The following BAZ2B variants were observed in gnomAD, a reference collection of about 807,000 sequenced individuals.
BAZ2B encodes bromodomain adjacent to zinc finger domain 2B, also known as bromodomain adjacent to zinc finger domain protein 2B.
A neutral mutation model predicts 246.0 loss-of-function variants in BAZ2B; 91 were observed. The ratio of observed to expected loss-of-function variants is 0.37; its 90% CI spans 0.31 to 0.44. The LOEUF is 0.44. BAZ2B is among the 20% of genes least tolerant of loss of function. The probability of loss-of-function intolerance (pLI) is 1.00; values close to 1 mark genes in which losing one functional copy is unlikely to be tolerated. For missense variants in BAZ2B, 2,332 were observed against 2,533.7 expected, an observed-to-expected ratio of 0.92 and a Z score of 1.71; for synonymous variants, 855 against 860.0, an observed-to-expected ratio of 0.99 and a Z score of 0.10.
chr2:159,510,399 A>C (rs1173709896), intron 2 of BAZ2B, among the ~76,000 whole-genome samples: 2 of 152,100 alleles, frequency 1.3e-5, no homozygotes, highest in Non-Finnish European at 2.9e-5. Flanking sequence ...CCTGGTCTCA[A>C]GTGATCCTTG....
intron 1 of BAZ2B, among the ~76,000 whole-genome samples, chr2:159,561,011 T>C (rs865788883): frequency 2.0e-5 from 3 of 152,322 alleles, no homozygotes; most frequent in South Asian, 4.1e-4. Flanking sequence ...TATCCAGTGT[T>C]GTGCAACAGA....
At chr2:159,390,986 G>A (rs1331706609) in intron 20 of BAZ2B, among the ~76,000 whole-genome samples, 1 of 152,066 alleles carries the variant, frequency 6.6e-6, no homozygotes, top group African/African-American at 2.4e-5. Flanking sequence ...TTAGTTAATA[G>A]CCTGAAGTAC....
At chr2:159,459,020 C>A (rs1000208581) in intron 3 of BAZ2B, 1 of 152,104 alleles carries the variant, frequency 6.6e-6, no homozygotes, top group African/African-American at 2.4e-5. Flanking sequence ...TTGAGAACCT[C>A]CAAAGCCTAT....
intron 2 of BAZ2B, among the ~76,000 whole-genome samples, chr2:159,480,968 T>C (rs1044658358): frequency 3.9e-5 from 6 of 152,104 alleles, no homozygotes; most frequent in Non-Finnish European, 8.8e-5. Flanking sequence ...AATTCTCTCA[T>C]ACTGGTCTTA....
chr2:159,566,372 T>C (rs1682595717), intron 1 of BAZ2B, among the ~76,000 whole-genome samples: 1 of 152,202 alleles, frequency 6.6e-6, no homozygotes, highest in Non-Finnish European at 1.5e-5. Flanking sequence ...TGCAGTTGCA[T>C]AGTGTAAAAA....
chr2:159,474,686 G>A (rs548595264), intron 3 of BAZ2B, among the ~76,000 whole-genome samples: 29 of 152,260 alleles, frequency 1.9e-4, no homozygotes, highest in African/African-American at 6.3e-4. Flanking sequence ...TTTTTGCAGT[G>A]GCTGGTACTG....
chr2:159,692,588 C>T, the BAZ2B span, among the ~76,000 whole-genome samples: 6 of 152,194 alleles, frequency 3.9e-5, no homozygotes, highest in South Asian at 2.1e-4. Flanking sequence ...TGGTGGCACA[C>T]GCCTGTAATC....
Position 159,397,383 on chromosome 2 carries a change from CT to C in BAZ2B, c.2970del (p.Glu991LysfsTer2), listed in dbSNP as rs1559255921. Reference sequence around the variant, plus strand: ...AGAACAGCTTGTTGTCTTCTCATTTCTTTTTCCTTAAAAATAAGAAACTTTT... The same window carrying C: ...AGAACAGCTTGTTGTCTTCTCATTTCTTTTCCTTAAAAATAAGAAACTTTT... Reference protein sequence around the residue: ...LLEAEKRIKEKEMRRQQAVLL... With the variant: ...LLEAEKRIKEXEMRRQQAVLL... On this transcript the variant is annotated frameshift_variant, in exon 19 of 37. Transcript: ENST00000392783. LOFTEE classifies it high-confidence loss of function. 1.3e-6 allele frequency: 2 copies of C among 1,546,176 alleles called. No individual in the cohort carries two copies. The highest frequency in any genetic ancestry group is 1.8e-6 in the Non-Finnish European group (2 of 1,132,986).
chr2:159,692,844 A>G, the BAZ2B span, among the ~76,000 whole-genome samples: 1 of 152,344 alleles, frequency 6.6e-6, no homozygotes, highest in East Asian at 1.9e-4. Context: ...GCTGTAGCAC[A>G]ATGGTACCAC....
chr2:159,664,853 T>C, the BAZ2B span, among the ~76,000 whole-genome samples: 1 of 145,166 alleles, frequency 6.9e-6, no homozygotes, highest in African/African-American at 2.6e-5. Context: ...TGGTAGTTTC[T>C]TTTGCTGTGC....
the BAZ2B span, among the ~76,000 whole-genome samples, chr2:159,650,758 C>A: frequency 6.6e-6 from 1 of 152,202 alleles, no homozygotes; most frequent in African/African-American, 2.4e-5. Context: ...CTCCTCAAGT[C>A]ATGAGTCTTT....
chr2:159,446,838 G>C lies in BAZ2B; in HGVS notation c.640C>G (p.Gln214Glu), dbSNP rs1028284225. The C allele has an allele frequency of 1.2e-5, 20 of 1,612,662 alleles. No homozygotes were observed. Among genetic ancestry groups the C allele is most frequent in the Non-Finnish European group, 1.5e-5 (18 of 1,179,488 alleles). Residue 214 changes from glutamine (Q) to glutamate (E), a missense_variant, in exon 6 of 37, where the codon CAG becomes GAG. Coordinates refer to ENST00000392783, the MANE Select transcript of BAZ2B (RefSeq NM_013450.4). Reference sequence around the variant, plus strand: ...AAAGGCTGGTTTTTGCTTTGTTCCTGATTACATTTTCGATTTCCTCCACCT... The same window carrying C: ...AAAGGCTGGTTTTTGCTTTGTTCCTCATTACATTTTCGATTTCCTCCACCT... ...SSGGGNRKCNQEQSKNQPLDA... is the reference protein window; with the variant it reads ...SSGGGNRKCNEEQSKNQPLDA...
chr2:159,698,302 G>A, the BAZ2B span, among the ~76,000 whole-genome samples: 1 of 151,876 alleles, frequency 6.6e-6, no homozygotes, highest in African/African-American at 2.4e-5. Flanking sequence ...TGGGAGGATT[G>A]CTTGAGTCCA....
At chr2:159,315,390 T>C (rs965961158), downstream of BAZ2B, among the ~76,000 whole-genome samples, 2 of 152,200 alleles carry the variant, frequency 1.3e-5, no homozygotes, top group Non-Finnish European at 2.9e-5. Context: ...AGCTGGATAG[T>C]TCTGGCTCAG....
chr2:159,478,861 T>G lies in BAZ2B; in HGVS notation c.-2-140A>C, dbSNP rs200252486. The G allele has an allele frequency of 1.6e-5, 9 of 572,056 alleles. No individual in the cohort carries two copies. In the East Asian group the frequency reaches 3.3e-4, roughly 21 times the overall value. 35.4% of individuals were successfully genotyped at this position (572,056 alleles called of 1,614,324 possible). A position where few individuals can be genotyped will look rare whatever the true frequency, so the allele number is the denominator to read the frequency against. Reference sequence around the variant, plus strand: ...TTCTTTGGAAAGAGAAAATATGGAGTAGATAAAAACAATATAATTTAAAAT... The same window carrying G: ...TTCTTTGGAAAGAGAAAATATGGAGGAGATAAAAACAATATAATTTAAAAT... On this transcript the variant is annotated intron_variant, in intron 2 of 36. Coordinates refer to ENST00000392783, the MANE Select transcript of BAZ2B (RefSeq NM_013450.4).
intron 3 of BAZ2B, among the ~76,000 whole-genome samples, chr2:159,468,645 T>C (rs1220123227): frequency 6.6e-6 from 1 of 152,116 alleles, no homozygotes; most frequent in Admixed American, 6.5e-5. Flanking sequence ...ACATAAAACT[T>C]ATGTGCCGCA....
At chr2:159,533,759 T>C (rs755941310) in intron 2 of BAZ2B, among the ~76,000 whole-genome samples, 16 of 152,202 alleles carry the variant, frequency 1.1e-4, no homozygotes, top group Non-Finnish European at 2.4e-4. Context: ...CACTAGCTGG[T>C]CATTCATTAA....
the BAZ2B span, among the ~76,000 whole-genome samples, chr2:159,623,127 G>A: frequency 6.7e-6 from 1 of 150,066 alleles, no homozygotes; most frequent in African/African-American, 2.4e-5. Flanking sequence ...GAGGAAGGGA[G>A]AGAAAAAGAA....
chr2:159,519,079 A>C (rs2083750791), intron 2 of BAZ2B, among the ~76,000 whole-genome samples: 1 of 152,218 alleles, frequency 6.6e-6, no homozygotes, highest in East Asian at 1.9e-4. Flanking sequence ...TAACATAAGG[A>C]AAGATTCCCC....
Sources: allele counts gnomAD v4.1 joint callset (sites outside exome capture counted in the v4.1 genomes callset), GRCh38; gene constraint gnomAD v4.1.1; transcripts MANE v1.5; gene names NCBI Gene and HGNC (gene_info 2026-07-23, HGNC 2026-07-21).